UFL1: variants seen among roughly 807,000 people sequenced by gnomAD.
The protein encoded by UFL1 is UFM1 specific ligase 1, also known as E3 UFM1-protein ligase 1.
Under a neutral mutation model 99.3 loss-of-function variants are expected in UFL1, and 78 were observed. The ratio of observed to expected loss-of-function variants is 0.79; its 90% CI spans 0.65 to 0.95. UFL1 has a LOEUF of 0.95. Ranked by LOEUF, UFL1 falls within the 40% of genes least tolerant of loss-of-function variation. The pLI, the probability that UFL1 is intolerant of heterozygous loss-of-function variation, is 0.00. For synonymous variants in UFL1, 335 were observed against 322.2 expected, an observed-to-expected ratio of 1.04 and a Z score of -0.42; for missense variants, 936 against 937.0, an observed-to-expected ratio of 1.00 and a Z score of 0.01.
chr6:96,554,055 G>A lies in UFL1; in HGVS notation c.*552G>A, dbSNP rs1259025278. The A allele has an allele frequency of 6.6e-6, 1 of 152,120 alleles. No homozygotes were observed. 9.4% of individuals were successfully genotyped at this position (152,120 alleles called of 1,614,324 possible). On this transcript the variant is annotated 3_prime_UTR_variant, in exon 19 of 19. Transcript: ENST00000369278. ...TACAAAAAAGAAAAATTATTACTAA[G>A]CCCTTGCTCTTATTTTTGGCAGAAT...
intron 12 of UFL1, among the ~76,000 whole-genome samples, chr6:96,547,946 C>T (rs1196374231): frequency 2.6e-5 from 4 of 151,392 alleles, no homozygotes; most frequent in Admixed American, 1.3e-4. Context: ...AGCATGCATA[C>T]GAAGCCCCTG....
At position 96,534,243 on chromosome 6, in the gene UFL1, T is replaced by G; in HGVS notation, c.597-20T>G. 1 of 1,505,588 alleles carries G rather than the reference T, an allele frequency of 6.6e-7. No homozygotes were observed. Among genetic ancestry groups the G allele is most frequent in the Non-Finnish European group, 8.8e-7 (1 of 1,131,892 alleles). 93.3% of individuals were successfully genotyped at this position (1,505,588 alleles called of 1,614,324 possible). A position where few individuals can be genotyped will look rare whatever the true frequency, so the allele number is the denominator to read the frequency against. On this transcript the variant is annotated intron_variant, in intron 6 of 18. Transcript: ENST00000369278. ...ACTATAATGAGTAAGAAGTTTTTTT[T>G]TTTTTAACTTTCCATAAAGGCCTAC...
chr6:96,544,363 C>T (rs975181209), intron 12 of UFL1, among the ~76,000 whole-genome samples: 2 of 149,864 alleles, frequency 1.3e-5, no homozygotes, highest in Non-Finnish European at 3.0e-5. Flanking sequence ...TTAATGAAAC[C>T]ATGATACTGC....
chr6:96,552,740 G>A, intron 18 of UFL1, 78 bp downstream of exon 18: 3 of 1,325,022 alleles, frequency 2.3e-6, no homozygotes, highest in Non-Finnish European at 3.0e-6. Flanking sequence ...ATGAATTACT[G>A]TCAGCACTCA....
chr6:96,534,159 T>C, intron 6 of UFL1, 104 bp from the exon 7 acceptor site: 3 of 731,044 alleles, frequency 4.1e-6, no homozygotes, highest in Non-Finnish European at 5.7e-6. Flanking sequence ...ATTTTTTCTT[T>C]TAAACAGTAT....
At chr6:96,547,817 G>C (rs1465903329) in intron 12 of UFL1, among the ~76,000 whole-genome samples, 1 of 151,162 alleles carries the variant, frequency 6.6e-6, no homozygotes, top group Admixed American at 6.6e-5. Context: ...TTGGGGGGGG[G>C]CGGTATGTGG....
Position 96,526,323 on chromosome 6 carries a change from A to G in UFL1, c.353A>G (p.Asn118Ser), listed in dbSNP as rs775664571. 3 of 1,610,660 alleles carry G rather than the reference A, an allele frequency of 1.9e-6. No individual in the cohort carries two copies. In the South Asian group the frequency reaches 3.3e-5, roughly 18 times the overall value. Residue 118 changes from asparagine to serine, a missense_variant and splice_region_variant, in exon 5 of 19, where the codon AAT (asparagine) becomes AGT (serine). Transcript: ENST00000369278. ...QLVLGQLIDENYLDRLAEEVN... is the reference protein window; with the variant it reads ...QLVLGQLIDESYLDRLAEEVN... ...TATTTTCTTGTTTTCACTATTAGGA[A>G]TTATTTGGATCGGTTGGCAGAAGAG... is the stretch of plus-strand genomic sequence containing the variant.
Position 96,537,445 on chromosome 6 carries a change from C to G in UFL1, c.874C>G (p.Gln292Glu). ...SYIKKRYKTT[Q>E]LLFLKAACVG... ...CATAAAGAAAAGATATAAGACTACA[C>G]AACTCTTGTTTTTGAAAGCAGCTTG... Residue 292 changes from glutamine to glutamate, a missense_variant, in exon 9 of 19, where the codon CAA becomes GAA. By Grantham distance (29) the Gln-to-Glu change is conservative. Transcript: ENST00000369278. The G allele has an allele frequency of 1.9e-6, 3 of 1,610,094 alleles. No homozygotes were observed. The highest frequency in any genetic ancestry group is 1.3e-5 in the African/African-American group (1 of 74,584).
chr6:96,524,940 C>A (rs1055398437), intron 3 of UFL1, among the ~76,000 whole-genome samples: 5 of 152,154 alleles, frequency 3.3e-5, no homozygotes, highest in African/African-American at 1.2e-4. Context: ...TATAAACTTA[C>A]TAGCAAGTGA....
At chr6:96,546,715 A>G (rs954089495) in intron 12 of UFL1, among the ~76,000 whole-genome samples, 1 of 151,732 alleles carries the variant, frequency 6.6e-6, no homozygotes, top group African/African-American at 2.4e-5. Flanking sequence ...AAAGCCACAT[A>G]TCTACAACCA....
intron 6 of UFL1, among the ~76,000 whole-genome samples, chr6:96,533,748 G>A (rs1327626459): frequency 7.5e-6 from 1 of 132,690 alleles, no homozygotes; most frequent in Non-Finnish European, 1.6e-5. Flanking sequence ...AATAAAACTG[G>A]TTAACAAAAG....
chr6:96,549,376 A>AT, intron 13 of UFL1, 36 bp from the exon 14 acceptor site: 1 of 1,528,762 alleles, frequency 6.5e-7, no homozygotes, highest in Non-Finnish European at 8.8e-7. Flanking sequence ...TACTCAGTAC[A>AT]TTTTAATAAA....
Position 96,537,463 on chromosome 6 carries a change from G to T in UFL1, c.892G>T (p.Ala298Ser), listed in dbSNP as rs1197674108. 6.2e-7 allele frequency: 1 copy of T among 1,610,224 alleles called. No homozygotes were observed. Among genetic ancestry groups the T allele is most frequent in the Non-Finnish European group, 8.5e-7 (1 of 1,178,014 alleles). The change falls in exon 9 of 19, where the codon GCA becomes TCA. Residue 298 changes from alanine (A) to serine (S), a missense_variant. Transcript: ENST00000369278. Reference sequence around the variant, plus strand: ...GACTACACAACTCTTGTTTTTGAAAGCAGCTTGTGTTGGTCAAGGACTTGT... The same window carrying T: ...GACTACACAACTCTTGTTTTTGAAATCAGCTTGTGTTGGTCAAGGACTTGT... ...YKTTQLLFLK[A>S]ACVGQGLVDQ...
At chr6:96,532,133 C>A (rs952199702) in intron 6 of UFL1, among the ~76,000 whole-genome samples, 1 of 152,100 alleles carries the variant, frequency 6.6e-6, no homozygotes, top group Non-Finnish European at 1.5e-5. Flanking sequence ...TCCAAATTGA[C>A]GTAAAAATTC....
intron 16 of UFL1, 29 bp downstream of exon 16, chr6:96,551,542 T>C (rs1770080159): frequency 7.3e-7 from 1 of 1,376,950 alleles, no homozygotes; most frequent in Non-Finnish European, 9.9e-7. Context: ...TATTTACATG[T>C]CAGGGCTAGC....
intron 2 of UFL1, among the ~76,000 whole-genome samples, chr6:96,523,614 G>A (rs1769658079): frequency 6.7e-6 from 1 of 148,638 alleles, no homozygotes; most frequent in Non-Finnish European, 1.5e-5. Context: ...CTTTTATTAG[G>A]TGGTAATTGT....
Position 96,549,679 on chromosome 6 carries a change from G to A in UFL1, c.1698G>A (p.Gln566=), listed in dbSNP as rs1444446834. 6.2e-7 allele frequency: 1 copy of A among 1,610,588 alleles called. No individual in the cohort carries two copies. Among genetic ancestry groups the A allele is most frequent in the Admixed American group, 1.7e-5 (1 of 59,508 alleles). Residue 566 remains glutamine (Q), a synonymous_variant, in exon 15 of 19, where the codon CAG becomes CAA. Coordinates refer to ENST00000369278, the MANE Select transcript of UFL1 (RefSeq NM_015323.5). The part of the protein sequence containing the change: ...KGMKFFADDT[Q]AALTKHLLKS... ...TCCTTTATTTTCCAGATGACACACA[G>A]GCTGCTCTTACCAAACACTTGCTGA...
intron 5 of UFL1, among the ~76,000 whole-genome samples, chr6:96,528,020 A>G (rs1425583251): frequency 6.6e-6 from 1 of 152,170 alleles, no homozygotes; most frequent in Non-Finnish European, 1.5e-5. Context: ...ATAAATTTGC[A>G]TTAGAGAGGA....
At chr6:96,541,064 T>C (rs1769924452) in intron 11 of UFL1, among the ~76,000 whole-genome samples, 1 of 151,408 alleles carries the variant, frequency 6.6e-6, no homozygotes, top group Non-Finnish European at 1.5e-5. Flanking sequence ...AACTGGTGTA[T>C]TCTTTTCATT....
Sources: gnomAD v4.1 joint callset for allele counts (sites outside exome capture counted in the v4.1 genomes callset) on GRCh38, gnomAD v4.1.1 for gene constraint, MANE v1.5 for transcripts, NCBI Gene and HGNC (gene_info 2026-07-23, HGNC 2026-07-21) for gene names.